The following ELAC2 variants were observed in gnomAD, a reference collection of about 807,000 sequenced individuals.
ELAC2 encodes the protein elaC ribonuclease Z 2, also known as zinc phosphodiesterase ELAC protein 2.
Under a neutral mutation model 105.2 loss-of-function variants are expected in ELAC2, and 92 were observed. The observed-to-expected ratio is 0.87, with a 90% confidence interval of 0.74 to 1.04. The LOEUF is 1.04. ELAC2 is among the 50% of genes least tolerant of loss of function. ELAC2 has a pLI of 0.00. For missense variants in ELAC2, 1,099 were observed against 1,071.7 expected, an observed-to-expected ratio of 1.03 and a Z score of -0.36; for synonymous variants, 468 against 409.1, an observed-to-expected ratio of 1.14 and a Z score of -1.74.
At position 12,991,861 on chromosome 17, in the gene ELAC2, TTAC is replaced by T. The variant is rs56826966; in HGVS notation, c.*954_*956del. On this transcript the variant is annotated 3_prime_UTR_variant, in exon 24 of 24. Coordinates refer to ENST00000338034, the MANE Select transcript of ELAC2 (RefSeq NM_018127.7). The stretch of plus-strand genomic sequence containing the variant: ...TACTAGATTCAACTTACTTACTTAC[TTAC>T]TTACTTTACTTACTTACTTCCTTGG... Among the ~76,000 whole-genome samples the T allele has an allele frequency of 6.6e-6, 1 of 150,420 alleles. No homozygotes were observed. Among genetic ancestry groups the T allele is most frequent in the South Asian group, 2.1e-4 (1 of 4,734 alleles).
In ELAC2 at chr17:13,002,261, A is replaced by G. The variant is rs777881145; in HGVS notation, c.1304+13T>C. On this transcript the variant is annotated intron_variant, in intron 14 of 23. Transcript: ENST00000338034. ...CGACTGAGACGATTCCATTAGTTCA[A>G]GATGGCACAGACCTCTGCCACTCCC... 359 of 1,613,756 alleles carry G rather than the reference A, an allele frequency of 2.2e-4. No homozygotes were observed. Among genetic ancestry groups the G allele is most frequent in the Non-Finnish European group, 2.7e-4 (318 of 1,179,804 alleles).
chr17:13,006,107 A>T lies in ELAC2; in HGVS notation c.739-128T>A. On this transcript the variant is annotated intron_variant, in intron 8 of 23. Coordinates refer to ENST00000338034, the MANE Select transcript of ELAC2 (RefSeq NM_018127.7). ...TAATGTTGGCCAGGCACGGTGGCTCACGCCTGTAATTCCAGTACTTTCGGA... is the reference window on the plus strand; with the variant it reads ...TAATGTTGGCCAGGCACGGTGGCTCTCGCCTGTAATTCCAGTACTTTCGGA... 5.1e-6 allele frequency: 5 copies of T among 972,690 alleles called. 1 individual carries two copies. The South Asian group carries it at 6.7e-5, about 13-fold the overall frequency. The allele number at this position is 972,690 out of a possible 1,614,324, so 60.3% of individuals were successfully genotyped here.
In ELAC2 at chr17:12,994,301, C is replaced by T. The variant is rs989826464; in HGVS notation, c.2108+124G>A. 3.8e-5 allele frequency: 42 copies of T among 1,106,048 alleles called. No individual in the cohort carries two copies. The African/African-American group carries it at 4.0e-4, about 11-fold the overall frequency. The allele number at this position is 1,106,048 out of a possible 1,614,324, so 68.5% of individuals were successfully genotyped here. On this transcript the variant is annotated intron_variant, in intron 22 of 23. Coordinates refer to ENST00000338034, the MANE Select transcript of ELAC2 (RefSeq NM_018127.7). ...GAGCACTGCCACAGGTCAAGGAAGC[C>T]CCCATAGCCCTTGATAGGAAGCAGG...
In ELAC2 at chr17:12,993,016, G is replaced by C. The variant is rs1472247010; in HGVS notation, c.2283C>G (p.Pro761=). 6.2e-7 allele frequency: 1 copy of C among 1,604,444 alleles called. No homozygotes were observed. Among genetic ancestry groups the C allele is most frequent in the African/African-American group, 1.3e-5 (1 of 74,882 alleles). Residue 761 remains proline (P), a synonymous_variant, in exon 24 of 24, where the codon CCC becomes CCG. Coordinates refer to ENST00000338034, the MANE Select transcript of ELAC2 (RefSeq NM_018127.7). The stretch of plus-strand genomic sequence containing the variant: ...GGGCTTTCAGTGGGGGAATCAGCTT[G>C]GGCATTGTTGGAAAGTCTCCAAAGC... ...KVCFGDFPTM[P]KLIPPLKALF...
At chr17:13,009,285 G>T (rs2041279195) in intron 8 of ELAC2, among the ~76,000 whole-genome samples, 1 of 152,036 alleles carries the variant, frequency 6.6e-6, no homozygotes, top group African/African-American at 2.4e-5. Context: ...TTAGAATTTA[G>T]ATAACAATTC....
chr17:13,005,808 G>A lies in ELAC2; in HGVS notation c.815C>T (p.Ala272Val), dbSNP rs757538480. The A allele has an allele frequency of 6.2e-7, 1 of 1,614,180 alleles. No individual in the cohort carries two copies. Among genetic ancestry groups the A allele is most frequent in the Admixed American group, 1.7e-5 (1 of 60,026 alleles). The change falls in exon 10 of 24, where the codon GCT becomes GTT. Residue 272 changes from alanine to valine, a missense_variant. Coordinates refer to ENST00000338034, the MANE Select transcript of ELAC2 (RefSeq NM_018127.7). ...MGLPVGTAAI[A>V]PIIAAVKDGK... ...GTCCTTGACAGCAGCAATGATGGGA[G>A]CGATGGCAGCTGTCCCACTGAAATG...
In ELAC2 at chr17:12,993,122, CAT is replaced by C. The variant is rs1389006479; in HGVS notation, c.2254-79_2254-78del. 5 of 1,425,392 alleles carry C rather than the reference CAT, an allele frequency of 3.5e-6. No homozygotes were observed. In the African/African-American group the frequency reaches 4.2e-5, roughly 12 times the overall value. 88.3% of individuals were successfully genotyped at this position (1,425,392 alleles called of 1,614,324 possible). A position where few individuals can be genotyped will look rare whatever the true frequency, so the allele number is the denominator to read the frequency against. On this transcript the variant is annotated intron_variant, in intron 23 of 23. Transcript: ENST00000338034. ...GGACAGGAGCTGGAAGGGATGCAGT[CAT>C]GTGCTCACACAGCAGCGCCAACGCC...
At chr17:13,012,258 A>G (rs779933368) in intron 6 of ELAC2, among the ~76,000 whole-genome samples, 1 of 152,260 alleles carries the variant, frequency 6.6e-6, no homozygotes, top group Non-Finnish European at 1.5e-5. Context: ...AGTGATCGGC[A>G]AAACTGAGCA....
In ELAC2 at chr17:13,017,720, G is replaced by C. The variant is rs762444215; in HGVS notation, c.228C>G (p.Val76=). 1.2e-6 allele frequency: 2 copies of C among 1,612,878 alleles called. No homozygotes were observed. Among genetic ancestry groups the C allele is most frequent in the Admixed American group, 3.3e-5 (2 of 59,964 alleles). The change falls in exon 1 of 24, where the codon GTC becomes GTG. Residue 76 remains valine, a synonymous_variant. Transcript: ENST00000338034. ...GSRDSGAALY[V]FSEFNRYLFN... ...TGACTGACCGGTTGAACTCGGAGAA[G>C]ACGTAGAGCGCGGCGCCCGAGTCCC...
chr17:12,991,915 T>G lies in ELAC2; in HGVS notation c.*903A>C, dbSNP rs759529514. 5.3e-5 allele frequency among the ~76,000 whole-genome samples: 8 copies of G among 152,196 alleles called. No individual in the cohort carries two copies. Among genetic ancestry groups the G allele is most frequent in the Non-Finnish European group, 1.2e-4 (8 of 68,040 alleles). On this transcript the variant is annotated 3_prime_UTR_variant, in exon 24 of 24. Transcript: ENST00000338034. ...AAAATGCTCTCCATTTGTCGAGCAC[T>G]AATCCACGTCTGTAAATCCCGCAAG...
intron 6 of ELAC2, 113 bp downstream of exon 6, chr17:13,013,094 C>T: frequency 8.2e-7 from 1 of 1,225,824 alleles, no homozygotes; most frequent in South Asian, 1.3e-5. Context: ...TCTAATCATG[C>T]TCAGAACACA....
At chr17:13,017,453 ACAGC>A in intron 1 of ELAC2, 1 of 751,068 alleles carries the variant, frequency 1.3e-6, no homozygotes, top group East Asian at 2.7e-5. Flanking sequence ...GAAAGTGCTG[ACAGC>A]CAGGCCGGGG....
rs1201927618 is a variant in ELAC2, at chr17:13,014,623, C to A, written c.433-127G>T. The A allele has an allele frequency of 4.0e-6, 3 of 756,906 alleles. No homozygotes were observed. In the African/African-American group the frequency reaches 5.2e-5, roughly 13 times the overall value. 46.9% of individuals were successfully genotyped at this position (756,906 alleles called of 1,614,324 possible). ...AAAGCTTAGTAAATATTTTGAACAT[C>A]ATTTATTACAAATATTTACTGAGTA... On this transcript the variant is annotated intron_variant, in intron 4 of 23. Coordinates refer to ENST00000338034, the MANE Select transcript of ELAC2 (RefSeq NM_018127.7).
chr17:13,009,626 A>C (rs1469691981), intron 8 of ELAC2, among the ~76,000 whole-genome samples: 4 of 152,234 alleles, frequency 2.6e-5, no homozygotes, highest in Non-Finnish European at 5.9e-5. Flanking sequence ...GGCCTGATGG[A>C]GTTGAAGGAA....
Position 13,000,276 on chromosome 17 carries a change from T to C in ELAC2, c.1305-2A>G, listed in dbSNP as rs779254943. On this transcript the variant is annotated splice_acceptor_variant, in intron 14 of 23. Coordinates refer to ENST00000338034, the MANE Select transcript of ELAC2 (RefSeq NM_018127.7). LOFTEE classifies it high-confidence loss of function. ...GGATTGCAAGTAATAATGGCATCCC[T>C]GCAGGAAGAGAGAGAAGCATCTCAG... 20 of 1,612,682 alleles carry C rather than the reference T, an allele frequency of 1.2e-5. No homozygotes were observed. The highest frequency in any genetic ancestry group is 1.5e-5 in the Non-Finnish European group (18 of 1,179,656).
chr17:12,994,550 G>T, intron 21 of ELAC2, 47 bp from the exon 22 acceptor site: 1 of 1,609,932 alleles, frequency 6.2e-7, no homozygotes, highest in Non-Finnish European at 8.5e-7. Context: ...TGCGAGAGCG[G>T]CACACAGGCC....
Position 13,005,676 on chromosome 17 carries a change from G to A in ELAC2, c.870+77C>T, listed in dbSNP as rs1347724797. The A allele has an allele frequency of 2.0e-6, 3 of 1,465,220 alleles. No homozygotes were observed. In the East Asian group the frequency reaches 6.8e-5, roughly 33 times the overall value. The allele number at this position is 1,465,220 out of a possible 1,614,324, so 90.8% of individuals were successfully genotyped here. Reference sequence around the variant, plus strand: ...GTCCTTCAAAAGTGGTGTCTGTAGGGCCTGAAGAAGACAGACTCTGCCCAG... The same window carrying A: ...GTCCTTCAAAAGTGGTGTCTGTAGGACCTGAAGAAGACAGACTCTGCCCAG... On this transcript the variant is annotated intron_variant, in intron 10 of 23. Transcript: ENST00000338034.
At chr17:13,006,050 G>A in intron 8 of ELAC2, 71 bp from the exon 9 acceptor site, 1 of 1,460,356 alleles carries the variant, frequency 6.8e-7, no homozygotes, top group Non-Finnish European at 9.6e-7. Context: ...AATTTTCTTA[G>A]AAGTGTATTT....
At chr17:12,996,816 A>G (rs2040501021) in intron 16 of ELAC2, 131 bp from the exon 17 acceptor site, 1 of 1,262,154 alleles carries the variant, frequency 7.9e-7, no homozygotes, top group Non-Finnish European at 1.1e-6. Flanking sequence ...TGCTTTGAGG[A>G]GCTAATATAA....
Sources: allele counts gnomAD v4.1 joint callset (sites outside exome capture counted in the v4.1 genomes callset), GRCh38; gene constraint gnomAD v4.1.1; transcripts MANE v1.5; gene names NCBI Gene and HGNC (gene_info 2026-07-23, HGNC 2026-07-21).